Variants in ILKAP observed in about 807,000 individuals in gnomAD.
ILKAP encodes the protein ILK associated serine/threonine phosphatase, also known as integrin-linked kinase-associated serine/threonine phosphatase 2C.
In ILKAP, 11 loss-of-function variants were observed where a neutral mutation model predicts 49.1. That is an observed-to-expected ratio of 0.22 (90% CI 0.14 to 0.37). The LOEUF is 0.37. Ranked by LOEUF, ILKAP falls within the 10% of genes least tolerant of loss-of-function variation. The probability of loss-of-function intolerance (pLI) is 1.00; values close to 1 mark genes in which losing one functional copy is unlikely to be tolerated. For missense variants in ILKAP, 363 were observed against 510.8 expected (o/e 0.71, Z 2.79); for synonymous variants, 186 against 192.8 (o/e 0.96, Z 0.29).
intron 1 of ILKAP, among the ~76,000 whole-genome samples, chr2:238,197,042 A>T (rs1184321327): frequency 6.6e-6 from 1 of 152,198 alleles, no homozygotes; most frequent in Non-Finnish European, 1.5e-5. Flanking sequence ...CCAGAAATAC[A>T]AAAATTAGCT....
intron 6 of ILKAP, among the ~76,000 whole-genome samples, chr2:238,184,648 C>T (rs1693829323): frequency 6.6e-6 from 1 of 152,018 alleles, no homozygotes; most frequent in Non-Finnish European, 1.5e-5. Flanking sequence ...CAGCCTGAAC[C>T]TCCTGGGGCT....
chr2:238,184,671 C>A (rs1693830419), intron 6 of ILKAP, among the ~76,000 whole-genome samples: 1 of 151,954 alleles, frequency 6.6e-6, no homozygotes, highest in East Asian at 1.9e-4. Context: ...GAAAATCCTC[C>A]CACCACAGCC....
intron 1 of ILKAP, among the ~76,000 whole-genome samples, chr2:238,200,582 G>A (rs374664018): frequency 1.3e-5 from 2 of 152,182 alleles, no homozygotes; most frequent in Admixed American, 6.5e-5. Flanking sequence ...CACTCTGGGA[G>A]GGCCAAGGTG....
intron 10 of ILKAP, among the ~76,000 whole-genome samples, chr2:238,171,810 G>A (rs1329697291): frequency 1.3e-5 from 2 of 152,134 alleles, no homozygotes; most frequent in African/African-American, 2.4e-5. Context: ...CCCAAGAAGG[G>A]GCAGCTGTGC....
intron 6 of ILKAP, among the ~76,000 whole-genome samples, 167 bp downstream of exon 6, chr2:238,185,014 A>C (rs1319619341): frequency 1.3e-5 from 2 of 152,184 alleles, no homozygotes; most frequent in South Asian, 4.1e-4. Context: ...TCACACCTGC[A>C]TGGCCGCTAC....
intron 3 of ILKAP, among the ~76,000 whole-genome samples, 194 bp from the exon 4 acceptor site, chr2:238,190,166 A>G (rs1350488054): frequency 1.3e-5 from 2 of 152,142 alleles, no homozygotes; most frequent in Non-Finnish European, 2.9e-5. Context: ...GAGAGAACAT[A>G]AAGTTAAGAT....
intron 1 of ILKAP, among the ~76,000 whole-genome samples, chr2:238,197,024 CTG>C (rs1694371613): frequency 6.6e-6 from 1 of 152,160 alleles, no homozygotes; most frequent in Non-Finnish European, 1.5e-5. Context: ...TGGTGAAACC[CTG>C]TCTCTCCAGA....
chr2:238,182,175 A>G lies in ILKAP; in HGVS notation c.726T>C (p.Cys242=). 2 of 1,613,772 alleles carry G rather than the reference A, an allele frequency of 1.2e-6. No homozygotes were observed. Among genetic ancestry groups the G allele is most frequent in the African/African-American group, 1.3e-5 (1 of 75,044 alleles). The change falls in exon 9 of 12, where the codon TGT becomes TGC. Residue 242 remains cysteine, a synonymous_variant. Coordinates refer to ENST00000254654, the MANE Select transcript of ILKAP (RefSeq NM_030768.3). ...ANLGDSRAIL[C]RYNEESQKHA... is the part of the protein sequence containing the mutation. ...GTTTTTGACTCTCCTCATTATAACGACACAAGATTGCCTGGGAAGATGGAG... is the reference window on the plus strand; with the variant it reads ...GTTTTTGACTCTCCTCATTATAACGGCACAAGATTGCCTGGGAAGATGGAG...
At chr2:238,183,944 A>C in intron 7 of ILKAP, 76 bp downstream of exon 7, 2 of 1,055,870 alleles carry the variant, frequency 1.9e-6, no homozygotes, top group Non-Finnish European at 3.0e-6. Context: ...GTGTTAAACC[A>C]CATCAGAAGA....
At position 238,203,600 on chromosome 2, in the gene ILKAP, C is replaced by G. The variant is rs1694670465; in HGVS notation, c.-47G>C. On this transcript the variant is annotated 5_prime_UTR_variant, in exon 1 of 12. Coordinates refer to ENST00000254654, the MANE Select transcript of ILKAP (RefSeq NM_030768.3). ...GCAGCAGCGACAGACACTCAGCCCG[C>G]GAGCAGCGGCCGGGCTCCACACCCC... is the stretch of plus-strand genomic sequence containing the variant. The G allele has an allele frequency of 1.1e-5, 12 of 1,101,504 alleles. No homozygotes were observed. The highest frequency in any genetic ancestry group is 4.9e-5 in the Admixed American group (1 of 20,296). 68.2% of individuals were successfully genotyped at this position (1,101,504 alleles called of 1,614,324 possible). A position where few individuals can be genotyped will look rare whatever the true frequency, so the allele number is the denominator to read the frequency against.
At chr2:238,187,231 C>T (rs13388597) in intron 5 of ILKAP, among the ~76,000 whole-genome samples, 2,260 of 152,280 alleles carry the variant, frequency 0.015, 45 homozygotes, top group African/African-American at 0.045. Context: ...CCAGCCTGAG[C>T]AAGACAGCAA....
At position 238,195,001 on chromosome 2, in the gene ILKAP, T is replaced by C. The variant is rs139500567; in HGVS notation, c.56-131A>G. 2,710 of 674,682 alleles carry C rather than the reference T, an allele frequency of 4.0e-3. 11 individuals are homozygous for C. The highest frequency in any genetic ancestry group is 5.3e-3 in the Non-Finnish European group (2,071 of 387,430). 41.8% of individuals were successfully genotyped at this position (674,682 alleles called of 1,614,324 possible). Reference sequence around the variant, plus strand: ...TAGATTCTAATTTTCTCCTTCCTGTTGGGCAAATTTTTAAAACATATTTTC... The same window carrying C: ...TAGATTCTAATTTTCTCCTTCCTGTCGGGCAAATTTTTAAAACATATTTTC... On this transcript the variant is annotated intron_variant, in intron 1 of 11. Transcript: ENST00000254654.
intron 4 of ILKAP, 106 bp from the exon 5 acceptor site, chr2:238,188,363 T>A: frequency 1.5e-6 from 2 of 1,355,484 alleles, no homozygotes. Context: ...GACTCAGCAA[T>A]ATCCTAATGG....
chr2:238,182,038 A>C, intron 9 of ILKAP, 27 bp downstream of exon 9: 1 of 1,611,388 alleles, frequency 6.2e-7, no homozygotes, highest in Non-Finnish European at 8.5e-7. Context: ...CCTCCTTCCC[A>C]TGAGCTCCTC....
chr2:238,177,290 CAG>C (rs1422901088), intron 9 of ILKAP, among the ~76,000 whole-genome samples: 4 of 152,162 alleles, frequency 2.6e-5, no homozygotes, highest in African/African-American at 7.2e-5. Context: ...AAGCATGCAA[CAG>C]GGAGTTTTTC....
intron 6 of ILKAP, among the ~76,000 whole-genome samples, chr2:238,184,914 T>C (rs554679493): frequency 6.6e-6 from 1 of 152,244 alleles, no homozygotes; most frequent in Non-Finnish European, 1.5e-5. Context: ...GGTTTACTAG[T>C]TTTCCAGTAA....
At chr2:238,177,506 A>C (rs1322255474) in intron 9 of ILKAP, among the ~76,000 whole-genome samples, 1 of 151,068 alleles carries the variant, frequency 6.6e-6, no homozygotes, top group Non-Finnish European at 1.5e-5. Flanking sequence ...CATACCCCAC[A>C]CCCCCCAATA....
At chr2:238,198,874 TG>T (rs1694455576) in intron 1 of ILKAP, among the ~76,000 whole-genome samples, 1 of 152,318 alleles carries the variant, frequency 6.6e-6, no homozygotes, top group South Asian at 2.1e-4. Flanking sequence ...TTGGCTAAAT[TG>T]TTTTTTATAC....
At position 238,170,664 on chromosome 2, in the gene ILKAP, G is replaced by C; in HGVS notation, c.1051C>G (p.Gln351Glu). Residue 351 changes from glutamine (Q) to glutamate (E), a missense_variant, in exon 12 of 12, where the codon CAG becomes GAG. Physicochemically the swap from Gln to Glu is conservative, Grantham distance 29. Transcript: ENST00000254654. ...GCTGCGGACTTCCCTTCCCGGGTCT[G>C]GATCTTTTCATCCTACCAGATGAGA... ...ILSCLEDEKIQTREGKSAADA... is the reference protein window; with the variant it reads ...ILSCLEDEKIETREGKSAADA... 1 of 1,596,598 alleles carries C rather than the reference G, an allele frequency of 6.3e-7. No individual in the cohort carries two copies. Among genetic ancestry groups the C allele is most frequent in the Non-Finnish European group, 8.6e-7 (1 of 1,166,566 alleles).
Sources: allele counts gnomAD v4.1 joint callset (sites outside exome capture counted in the v4.1 genomes callset), GRCh38; gene constraint gnomAD v4.1.1; transcripts MANE v1.5; gene names NCBI Gene and HGNC (gene_info 2026-07-23, HGNC 2026-07-21).